The following ECT2L variants were observed in gnomAD, a reference collection of about 807,000 sequenced individuals.
ECT2L encodes epithelial cell transforming 2 like, also known as epithelial cell-transforming sequence 2 oncogene-like.
A neutral mutation model predicts 122.8 loss-of-function variants in ECT2L; 126 were observed. The observed-to-expected ratio is 1.03, with a 90% confidence interval of 0.89 to 1.19. The LOEUF is 1.19. Among genes scored for constraint, ECT2L ranks in the 50% most tolerant of loss-of-function variants. The probability of loss-of-function intolerance (pLI) is 0.00; values close to 1 mark genes in which losing one functional copy is unlikely to be tolerated. For missense variants in ECT2L, 1,012 were observed against 1,064.1 expected, an observed-to-expected ratio of 0.95 and a Z score of 0.68; for synonymous variants, 385 against 381.8, an observed-to-expected ratio of 1.01 and a Z score of -0.10.
chr6:138,849,906 C>T lies in ECT2L; in HGVS notation c.1069+472C>T, dbSNP rs569027526. ...TTTTCAAATTTTGATTAAAGAAACA[C>T]GTTACTGTCTTAACCATTTTGAAGT... On this transcript the variant is annotated intron_variant, in intron 9 of 21. Coordinates refer to ENST00000541398, the MANE Select transcript of ECT2L (RefSeq NM_001077706.3). Among the ~76,000 whole-genome samples the T allele has an allele frequency of 6.6e-5, 10 of 151,660 alleles. No homozygotes were observed. In the South Asian group the frequency reaches 1.0e-3, roughly 16 times the overall value.
chr6:138,873,354 C>T (rs192370479), intron 13 of ECT2L, among the ~76,000 whole-genome samples: 18 of 152,342 alleles, frequency 1.2e-4, no homozygotes, highest in Admixed American at 1.1e-3. Context: ...GGAAGAACCA[C>T]AGCTAAACGT....
At chr6:138,888,386 G>A (rs1449422072) in intron 19 of ECT2L, among the ~76,000 whole-genome samples, 6 of 145,914 alleles carry the variant, frequency 4.1e-5, no homozygotes, top group Admixed American at 2.1e-4. Context: ...GCACGATCTC[G>A]GCTCACTGCA....
At chr6:138,893,812 T>C (rs539840369) in intron 20 of ECT2L, among the ~76,000 whole-genome samples, 94 of 152,306 alleles carry the variant, frequency 6.2e-4, no homozygotes, top group African/African-American at 2.1e-3. Flanking sequence ...CCCAGAGTTA[T>C]TAAATGCTAA....
chr6:138,881,465 G>C (rs904340496), intron 15 of ECT2L, among the ~76,000 whole-genome samples: 1 of 152,064 alleles, frequency 6.6e-6, no homozygotes, highest in Non-Finnish European at 1.5e-5. Flanking sequence ...TTTCATGGAA[G>C]ACAATATTTA....
At chr6:138,887,918 A>T (rs1307077735) in intron 19 of ECT2L, among the ~76,000 whole-genome samples, 1 of 152,196 alleles carries the variant, frequency 6.6e-6, no homozygotes, top group Non-Finnish European at 1.5e-5. Context: ...TTGCATCCTG[A>T]ACATTCCTGT....
rs71270363 is a variant in ECT2L at position 138,888,317 on chromosome 6, C to CTT, written c.2326-610_2326-609dup. On this transcript the variant is annotated intron_variant, in intron 19 of 21. Transcript: ENST00000541398. Reference sequence around the variant, plus strand: ...CAATTCATTCACTTCTTTTTCTTTTCTTTTTTTTTTTTTTTTTGAGATGGA... The same window carrying CTT: ...CAATTCATTCACTTCTTTTTCTTTTCTTTTTTTTTTTTTTTTTTTGAGATGGA... 5.1e-3 allele frequency among the ~76,000 whole-genome samples: 653 copies of CTT among 128,600 alleles called. 12 individuals carry two copies. The highest frequency in any genetic ancestry group is 0.024 in the Middle Eastern group (6 of 246). The allele number at this position is 128,600 out of a possible 152,430, so 84.4% of individuals were successfully genotyped here.
intron 13 of ECT2L, among the ~76,000 whole-genome samples, chr6:138,873,017 TCTC>T (rs1441057746): frequency 6.6e-6 from 1 of 152,158 alleles, no homozygotes; most frequent in Non-Finnish European, 1.5e-5. Context: ...TGAGGCACTT[TCTC>T]CTCTAGTTCC....
chr6:138,842,440 G>A (rs1324247670), intron 5 of ECT2L, among the ~76,000 whole-genome samples: 6 of 150,958 alleles, frequency 4.0e-5, no homozygotes, highest in Non-Finnish European at 8.8e-5. Flanking sequence ...CAGCCTGGGC[G>A]ACAGAGCAGG....
At chr6:138,820,283 GTCT>G (rs549808571) in intron 4 of ECT2L, among the ~76,000 whole-genome samples, 165 of 152,300 alleles carry the variant, frequency 1.1e-3, no homozygotes, top group African/African-American at 3.7e-3. Flanking sequence ...AGGGTGGAGA[GTCT>G]TCTTCTTGCT....
At chr6:138,796,598 G>C (rs987495996) in intron 1 of ECT2L, among the ~76,000 whole-genome samples, 2 of 152,094 alleles carry the variant, frequency 1.3e-5, no homozygotes, top group African/African-American at 4.8e-5. Flanking sequence ...TAGGGAGTAG[G>C]GTGGGGGCTG....
chr6:138,887,318 C>T (rs1286517573), intron 19 of ECT2L, among the ~76,000 whole-genome samples: 1 of 151,950 alleles, frequency 6.6e-6, no homozygotes, highest in African/African-American at 2.4e-5. Context: ...GCTCCACCTC[C>T]CGGGTTCACA....
intron 5 of ECT2L, among the ~76,000 whole-genome samples, chr6:138,839,958 T>C (rs1379958726): frequency 1.3e-5 from 2 of 152,176 alleles, no homozygotes; most frequent in Admixed American, 1.3e-4. Context: ...CATGCTTTTT[T>C]TGTTAAAGAT....
chr6:138,859,521 T>C (rs1445680272), intron 10 of ECT2L, among the ~76,000 whole-genome samples: 1 of 152,242 alleles, frequency 6.6e-6, no homozygotes, highest in East Asian at 1.9e-4. Context: ...AGAACTCTAG[T>C]TGCCTATCAT....
intron 10 of ECT2L, among the ~76,000 whole-genome samples, chr6:138,859,147 T>A (rs1353855146): frequency 6.6e-6 from 1 of 152,204 alleles, no homozygotes; most frequent in Non-Finnish European, 1.5e-5. Context: ...CCTAGAATCT[T>A]CTATAAATGG....
At chr6:138,801,285 T>C (rs1775534871) in intron 1 of ECT2L, among the ~76,000 whole-genome samples, 1 of 152,224 alleles carries the variant, frequency 6.6e-6, no homozygotes, top group South Asian at 2.1e-4. Context: ...CCCAATGACC[T>C]CAGCTTCCTG....
intron 1 of ECT2L, among the ~76,000 whole-genome samples, chr6:138,811,514 T>C (rs1003023765): frequency 1.3e-5 from 2 of 152,314 alleles, no homozygotes; most frequent in African/African-American, 2.4e-5. Flanking sequence ...GAATAAAGGT[T>C]AAACAAGGTC....
At chr6:138,851,013 A>AAAAAAAAAAAAAAG (rs1562474231) in intron 9 of ECT2L, among the ~76,000 whole-genome samples, 1 of 148,228 alleles carries the variant, frequency 6.7e-6, no homozygotes, top group African/African-American at 2.6e-5. Flanking sequence ...AAAAAAAAAA[A>AAAAAAAAAAAAAAG]AAAAAAAAAA....
intron 13 of ECT2L, among the ~76,000 whole-genome samples, chr6:138,870,738 G>A (rs1476971209): frequency 6.6e-6 from 1 of 152,180 alleles, no homozygotes; most frequent in African/African-American, 2.4e-5. Context: ...GCTGGGCGCG[G>A]TGGCTCACGC....
intron 11 of ECT2L, among the ~76,000 whole-genome samples, 161 bp from the exon 12 acceptor site, chr6:138,864,835 C>A (rs2128400082): frequency 6.6e-6 from 1 of 152,230 alleles, no homozygotes; most frequent in South Asian, 2.1e-4. Flanking sequence ...TCTAATTTTA[C>A]CTTTGAAAAC....
Sources: gnomAD v4.1 joint callset for allele counts (sites outside exome capture counted in the v4.1 genomes callset) on GRCh38, gnomAD v4.1.1 for gene constraint, MANE v1.5 for transcripts, NCBI Gene and HGNC (gene_info 2026-07-23, HGNC 2026-07-21) for gene names.